PTPRT: variants seen among roughly 807,000 people sequenced by gnomAD.
The protein encoded by PTPRT is protein tyrosine phosphatase receptor type T, also known as receptor-type tyrosine-protein phosphatase T.
PTPRT carries 56 observed loss-of-function variants against 176.8 expected under a neutral mutation model. That is an observed-to-expected ratio of 0.32 (90% CI 0.26 to 0.40). The LOEUF is 0.40. Ranked by LOEUF, PTPRT falls within the 10% of genes least tolerant of loss-of-function variation. PTPRT has a pLI of 1.00. For synonymous variants in PTPRT, 783 were observed against 739.0 expected (o/e 1.06, Z -0.96); for missense variants, 1,540 against 1,908.2 (o/e 0.81, Z 3.60).
In PTPRT at chr20:43,189,761, T is replaced by C. The variant is rs1458201065; in HGVS notation, c.-28A>G. 6.1e-6 allele frequency: 7 copies of C among 1,142,016 alleles called. No homozygotes were observed. The East Asian group carries it at 2.5e-4, about 41-fold the overall frequency. 70.7% of individuals were successfully genotyped at this position (1,142,016 alleles called of 1,614,324 possible). On this transcript the variant is annotated 5_prime_UTR_variant, in exon 1 of 31. Coordinates refer to ENST00000373187, the MANE Select transcript of PTPRT (RefSeq NM_007050.6). This position sits in a 1 kb window ranked among gnomAD's most constrained non-coding sequence, Gnocchi z 5.0. ...GGGCGGCGGCGGGCAGCTCAGCCCC[T>C]TCCCGCGGGGGCCGGGGCCGGGACT...
At chr20:42,375,518 T>A (rs140251275) in intron 9 of PTPRT, among the ~76,000 whole-genome samples, 91 of 152,244 alleles carry the variant, frequency 6.0e-4, no homozygotes, top group African/African-American at 2.1e-3. Context: ...AAGTGTCCTC[T>A]TGGAAGAAGG....
the PTPRT span, among the ~76,000 whole-genome samples, chr20:42,059,356 C>T: frequency 2.0e-5 from 3 of 152,170 alleles, no homozygotes; most frequent in Non-Finnish European, 4.4e-5. Flanking sequence ...GTCTGGAGGG[C>T]TGCCAGCAGG....
At chr20:42,108,688 A>ATAAAT (rs1600527998) in intron 23 of PTPRT, among the ~76,000 whole-genome samples, 2 of 152,214 alleles carry the variant, frequency 1.3e-5, no homozygotes, top group East Asian at 1.9e-4. Flanking sequence ...TGAAGGATTA[A>ATAAAT]TAAATAATCT....
intron 18 of PTPRT, among the ~76,000 whole-genome samples, chr20:42,135,058 C>A (rs922709161): frequency 2.0e-5 from 3 of 152,204 alleles, no homozygotes; most frequent in Non-Finnish European, 4.4e-5. Flanking sequence ...TCATAGCTGA[C>A]CCCTCACCAC....
intron 13 of PTPRT, among the ~76,000 whole-genome samples, chr20:42,267,587 G>A (rs2056860717): frequency 6.6e-6 from 1 of 152,210 alleles, no homozygotes; most frequent in African/African-American, 2.4e-5. Context: ...GGCACATTTG[G>A]GAATGTCTGG....
chr20:42,796,328 GTAGAA>G (rs2077453395), intron 2 of PTPRT, among the ~76,000 whole-genome samples: 1 of 146,740 alleles, frequency 6.8e-6, no homozygotes, highest in Non-Finnish European at 1.5e-5. Flanking sequence ...CAGTGCTGGT[GTAGAA>G]TACATCCATT....
At chr20:42,795,540 G>A (rs2077441981) in intron 2 of PTPRT, among the ~76,000 whole-genome samples, 1 of 152,226 alleles carries the variant, frequency 6.6e-6, no homozygotes, top group South Asian at 2.1e-4. Flanking sequence ...TTACATGAGT[G>A]TGCTCGGGCG....
intron 7 of PTPRT, among the ~76,000 whole-genome samples, chr20:42,547,880 T>C (rs2072703302): frequency 6.6e-6 from 1 of 152,056 alleles, no homozygotes; most frequent in Non-Finnish European, 1.5e-5. Context: ...ACTAGGTAGC[T>C]AGATATAATA....
chr20:42,188,628 G>T (rs1030043605), intron 16 of PTPRT, among the ~76,000 whole-genome samples: 3 of 152,074 alleles, frequency 2.0e-5, no homozygotes, highest in Non-Finnish European at 1.5e-5. Flanking sequence ...CAGAGGGGGG[G>T]AAATTGGTCT....
chr20:42,665,351 A>G (rs1362565147), intron 7 of PTPRT, among the ~76,000 whole-genome samples: 2 of 152,260 alleles, frequency 1.3e-5, no homozygotes, highest in African/African-American at 2.4e-5. Context: ...AATGCTCATC[A>G]TCACTGGCCA....
chr20:42,248,247 A>G (rs1421019527), intron 14 of PTPRT, among the ~76,000 whole-genome samples: 2 of 152,202 alleles, frequency 1.3e-5, no homozygotes, highest in Admixed American at 1.3e-4. Flanking sequence ...GGATGCTATT[A>G]TTTGACCAGT....
At chr20:42,559,244 T>C (rs2072910601) in intron 7 of PTPRT, among the ~76,000 whole-genome samples, 1 of 152,178 alleles carries the variant, frequency 6.6e-6, no homozygotes, top group South Asian at 2.1e-4. Context: ...GATTCCAAGT[T>C]ATACCATTCA....
In PTPRT at chr20:42,373,208, C is replaced by G. The variant is rs550619773; in HGVS notation, c.1561-20923G>C. 5.9e-5 allele frequency among the ~76,000 whole-genome samples: 9 copies of G among 152,272 alleles called. No individual in the cohort carries two copies. In the East Asian group the frequency reaches 1.7e-3, roughly 29 times the overall value. On this transcript the variant is annotated intron_variant, in intron 9 of 30. Transcript: ENST00000373187. ...AACTTTACTGCTGAGGAGACAGGCTCAGAGAGGGTGAGTGACTTAGTCAAG... is the reference window on the plus strand; with the variant it reads ...AACTTTACTGCTGAGGAGACAGGCTGAGAGAGGGTGAGTGACTTAGTCAAG...
intron 9 of PTPRT, among the ~76,000 whole-genome samples, chr20:42,447,411 G>A (rs551623658): frequency 6.6e-6 from 1 of 151,664 alleles, no homozygotes; most frequent in African/African-American, 2.4e-5. Flanking sequence ...TTCCAGCTTC[G>A]GTATCCATGC....
At chr20:42,766,654 G>A (rs6065532) in intron 5 of PTPRT, among the ~76,000 whole-genome samples, 32,798 of 152,116 alleles carry the variant, frequency 0.22, 4,298 homozygotes, top group African/African-American at 0.37. Context: ...ACAGAAAAGA[G>A]GGCCAGCATT....
intron 7 of PTPRT, among the ~76,000 whole-genome samples, chr20:42,481,728 G>C (rs955135421): frequency 2.0e-5 from 3 of 151,642 alleles, no homozygotes; most frequent in Admixed American, 6.6e-5. Flanking sequence ...CTGGGAGACA[G>C]AGCAAGAGCA....
At chr20:42,126,029 G>C (rs559661290) in intron 19 of PTPRT, among the ~76,000 whole-genome samples, 47 of 151,544 alleles carry the variant, frequency 3.1e-4, no homozygotes, top group South Asian at 2.8e-3. Flanking sequence ...TGGGAGTGGG[G>C]GGGGGGAGGG....
the PTPRT span, among the ~76,000 whole-genome samples, chr20:42,062,683 T>C: frequency 4.6e-5 from 7 of 152,298 alleles, no homozygotes; most frequent in African/African-American, 1.4e-4. Context: ...CTCTGCCCCC[T>C]TTTTTTCCCT....
intron 27 of PTPRT, among the ~76,000 whole-genome samples, chr20:42,090,815 T>C (rs73129138): frequency 0.038 from 5,829 of 152,358 alleles, 188 homozygotes; most frequent in Middle Eastern, 0.065. Context: ...ACACTTACCC[T>C]GAATGCAACC....
Sources: allele counts gnomAD v4.1 joint callset (sites outside exome capture counted in the v4.1 genomes callset), GRCh38; gene constraint gnomAD v4.1.1; non-coding constraint Gnocchi (gnomAD v3.1); transcripts MANE v1.5; gene names NCBI Gene and HGNC (gene_info 2026-07-23, HGNC 2026-07-21).